ECPAS: variants seen among roughly 807,000 people sequenced by gnomAD.
The protein encoded by ECPAS is proteasome adapter and scaffold protein ECM29.
In ECPAS, 70 loss-of-function variants were observed where a neutral mutation model predicts 255.1. That is an observed-to-expected ratio of 0.27 (90% CI 0.23 to 0.33). The LOEUF (loss-of-function observed/expected upper bound fraction) is 0.33, where lower values mean the gene tolerates loss of function less well. Among genes scored for constraint, ECPAS ranks in the 10% least tolerant of loss-of-function variants. ECPAS has a pLI of 1.00. For missense variants in ECPAS, 1,817 were observed against 2,206.4 expected, an observed-to-expected ratio of 0.82 and a Z score of 3.54; for synonymous variants, 784 against 775.0, an observed-to-expected ratio of 1.01 and a Z score of -0.19.
At chr9:111,400,021 A>C (rs1214804733) in intron 24 of ECPAS, among the ~76,000 whole-genome samples, 1 of 151,734 alleles carries the variant, frequency 6.6e-6, no homozygotes, top group African/African-American at 2.4e-5. Context: ...TGCCCACATT[A>C]CCCTCCCCTA....
intron 37 of ECPAS, 51 bp downstream of exon 37, chr9:111,376,425 A>T: frequency 7.1e-7 from 1 of 1,409,708 alleles, no homozygotes; most frequent in Non-Finnish European, 9.8e-7. Flanking sequence ...TTGAAGAATT[A>T]CACTTTCAGG....
chr9:111,362,526 A>G (rs1018733829), intron 49 of ECPAS, among the ~76,000 whole-genome samples: 9 of 152,074 alleles, frequency 5.9e-5, no homozygotes, highest in African/African-American at 9.7e-5. Context: ...ACACCATCGC[A>G]AGACCATTTC....
intron 6 of ECPAS, among the ~76,000 whole-genome samples, chr9:111,437,419 A>G (rs968238782): frequency 6.6e-6 from 1 of 152,182 alleles, no homozygotes; most frequent in Non-Finnish European, 1.5e-5. Context: ...CCAGAATCAC[A>G]TTTTGAGTTT....
chr9:111,389,782 C>CA (rs2098156473), intron 30 of ECPAS, 59 bp from the exon 31 acceptor site: 2 of 1,506,342 alleles, frequency 1.3e-6, no homozygotes, highest in South Asian at 1.3e-5. Flanking sequence ...ATTAACATAG[C>CA]AAAAAATTCT....
intron 23 of ECPAS, among the ~76,000 whole-genome samples, chr9:111,409,121 T>C (rs2098189877): frequency 6.6e-6 from 1 of 152,184 alleles, no homozygotes; most frequent in Non-Finnish European, 1.5e-5. Context: ...GAAGATTCAA[T>C]CAATGCATGC....
intron 12 of ECPAS, among the ~76,000 whole-genome samples, chr9:111,424,754 C>A (rs1221263564): frequency 6.6e-6 from 1 of 152,134 alleles, no homozygotes; most frequent in Non-Finnish European, 1.5e-5. Flanking sequence ...AACAGTTTCC[C>A]AACACAAGCC....
intron 5 of ECPAS, 100 bp downstream of exon 5, chr9:111,442,200 TCAAGAC>T: frequency 2.9e-6 from 2 of 692,220 alleles, no homozygotes; most frequent in Non-Finnish European, 4.9e-6. Flanking sequence ...CTAAAACAGC[TCAAGAC>T]CTCCCATTTG....
Position 111,410,071 on chromosome 9 carries a change from A to C in ECPAS, c.2520T>G (p.Ser840Arg). 6.3e-7 allele frequency: 1 copy of C among 1,577,782 alleles called. No individual in the cohort carries two copies. The highest frequency in any genetic ancestry group is 8.6e-7 in the Non-Finnish European group (1 of 1,160,798). The change falls in exon 23 of 50, where the codon AGT becomes AGG. Residue 840 changes from serine (S) to arginine (R), a missense_variant. Ser to Arg is a moderately radical substitution (Grantham distance 110, BLOSUM62 -1). Around this residue, in one of 4 missense-constraint regions of ECPAS, gnomAD observed 194 missense variants for 152.8 expected, o/e 1.27. Coordinates refer to ENST00000684092, the MANE Select transcript of ECPAS (RefSeq NM_001364929.1). ...TTGTTTCTTTACTGGAAGGTATTCT[A>C]CTTAGTAAGCTTTCTACAAGATGCA... ...TKLHLVESLL[S>R]RIPSSKETNK...
chr9:111,410,300 A>T (rs1206976062), intron 22 of ECPAS, 87 bp from the exon 23 acceptor site: 2 of 1,093,774 alleles, frequency 1.8e-6, no homozygotes, highest in Admixed American at 3.0e-5. Flanking sequence ...GGTTTTTTTT[A>T]AGACGGCAAA....
intron 2 of ECPAS, among the ~76,000 whole-genome samples, chr9:111,467,736 T>C (rs918443136): frequency 7.2e-5 from 11 of 152,220 alleles, no homozygotes; most frequent in Admixed American, 2.6e-4. Context: ...TTCTCTCTAA[T>C]GGTATTTACT....
At chr9:111,401,225 C>A (rs2098175509) in intron 24 of ECPAS, among the ~76,000 whole-genome samples, 1 of 152,206 alleles carries the variant, frequency 6.6e-6, no homozygotes, top group South Asian at 2.1e-4. Context: ...AATGTAGGTT[C>A]TTTTCTATTT....
chr9:111,384,853 A>AT (rs2098145667), intron 33 of ECPAS, among the ~76,000 whole-genome samples: 1 of 152,254 alleles, frequency 6.6e-6, no homozygotes, highest in African/African-American at 2.4e-5. Context: ...AAGTAAATAC[A>AT]TAAAGATCTA....
At chr9:111,397,502 C>A (rs2098169450) in intron 24 of ECPAS, among the ~76,000 whole-genome samples, 1 of 152,184 alleles carries the variant, frequency 6.6e-6, no homozygotes, top group Admixed American at 6.5e-5. Context: ...TAAATTCTAG[C>A]TATCTCTCAC....
chr9:111,389,761 T>G, intron 30 of ECPAS, 38 bp from the exon 31 acceptor site: 1 of 1,555,690 alleles, frequency 6.4e-7, no homozygotes, highest in South Asian at 1.2e-5. Flanking sequence ...GATGCACCAT[T>G]ATAGTAAAAT....
rs1166526004 is a variant in ECPAS, at chr9:111,371,682, T to TA, written c.4675dup (p.Tyr1559LeufsTer51). ...CAATGCGGTCAGTATCATTCCGAGATATGGAGGTACTAGAGAGCTAGTCTG... is the reference window on the plus strand; with the variant it reads ...CAATGCGGTCAGTATCATTCCGAGATAATGGAGGTACTAGAGAGCTAGTCTG... On this transcript the variant is annotated frameshift_variant, in exon 43 of 50. Coordinates refer to ENST00000684092, the MANE Select transcript of ECPAS (RefSeq NM_001364929.1). LOFTEE classifies it high-confidence loss of function. 1 of 1,613,722 alleles carries TA rather than the reference T, an allele frequency of 6.2e-7. No individual in the cohort carries two copies. The highest frequency in any genetic ancestry group is 8.5e-7 in the Non-Finnish European group (1 of 1,179,816).
intron 2 of ECPAS, among the ~76,000 whole-genome samples, chr9:111,466,058 T>C (rs1169886742): frequency 6.7e-6 from 1 of 149,186 alleles, no homozygotes; most frequent in African/African-American, 2.5e-5. Flanking sequence ...ACAGAGCAAA[T>C]ATTTTTCAAA....
At chr9:111,444,617 G>T in intron 3 of ECPAS, 123 bp from the exon 4 acceptor site, 1 of 665,214 alleles carries the variant, frequency 1.5e-6, no homozygotes, top group Non-Finnish European at 2.6e-6. Flanking sequence ...CTTTTAAAGG[G>T]TATAAATTTT....
At chr9:111,380,856 T>C (rs989652093) in intron 35 of ECPAS, among the ~76,000 whole-genome samples, 8 of 152,268 alleles carry the variant, frequency 5.3e-5, no homozygotes, top group Admixed American at 6.5e-5. Flanking sequence ...ACTTTTCTTC[T>C]GCAGCTTCCT....
chr9:111,403,818 C>A (rs754695980), intron 24 of ECPAS, among the ~76,000 whole-genome samples: 1 of 149,838 alleles, frequency 6.7e-6, no homozygotes, highest in African/African-American at 2.5e-5. Flanking sequence ...GTTTTCTCAT[C>A]AGCACATGGA....
Sources: gnomAD v4.1 joint callset for allele counts (sites outside exome capture counted in the v4.1 genomes callset) on GRCh38, gnomAD v4.1.1 for gene constraint, gnomAD v4.1.1 regional missense constraint, MANE v1.5 for transcripts, NCBI Gene and HGNC (gene_info 2026-07-23, HGNC 2026-07-21) for gene names.